The following NFIB variants were observed in gnomAD, a reference collection of about 807,000 sequenced individuals.
NFIB encodes nuclear factor 1 B-type.
NFIB carries 11 observed loss-of-function variants against 61.5 expected under a neutral mutation model. The ratio of observed to expected loss-of-function variants is 0.18; its 90% CI spans 0.11 to 0.30. The LOEUF (loss-of-function observed/expected upper bound fraction) is 0.30. NFIB is among the 10% of genes least tolerant of loss of function. The pLI is 1.00. For missense variants in NFIB, 471 were observed against 608.9 expected, an observed-to-expected ratio of 0.77 and a Z score of 2.38; for synonymous variants, 260 against 216.5, an observed-to-expected ratio of 1.20 and a Z score of -1.76.
chr9:14,232,290 C>T (rs527579176), intron 2 of NFIB, among the ~76,000 whole-genome samples: 1 of 152,202 alleles, frequency 6.6e-6, no homozygotes, highest in East Asian at 1.9e-4. Flanking sequence ...TAATGAGACC[C>T]CGTAAAGCAT....
the NFIB span, among the ~76,000 whole-genome samples, chr9:14,430,481 C>A: frequency 2.6e-5 from 4 of 152,310 alleles, 1 homozygote; most frequent in Admixed American, 2.6e-4. Flanking sequence ...GCCATGTGAT[C>A]AAAATCAGGA....
the NFIB span, among the ~76,000 whole-genome samples, chr9:14,479,974 A>C: frequency 1.1e-4 from 16 of 152,094 alleles, no homozygotes; most frequent in South Asian, 2.1e-4. Context: ...ACAGGAAGGA[A>C]GGAAGAAGGA....
chr9:14,416,372 G>A, the NFIB span, among the ~76,000 whole-genome samples: 2 of 152,146 alleles, frequency 1.3e-5, no homozygotes, highest in Admixed American at 1.3e-4. Context: ...CATAGGAGGT[G>A]ACAGCTCCGC....
chr9:14,319,697 G>A lies in NFIB; in HGVS notation c.109-12177C>T, dbSNP rs552312176. The stretch of plus-strand genomic sequence containing the variant: ...GGTATAGAAAGCTCTGTCCAAAATG[G>A]CTAAGTAGTCTTTACATTCTGTATT... On this transcript the variant is annotated intron_variant, in intron 1 of 8. Transcript: ENST00000380934. 3.0e-4 allele frequency among the ~76,000 whole-genome samples: 45 copies of A among 152,300 alleles called. 1 individual carries two copies. The highest frequency in any genetic ancestry group is 2.9e-3 in the Admixed American group (45 of 15,286).
intron 2 of NFIB, among the ~76,000 whole-genome samples, chr9:14,297,405 C>G (rs1357435704): frequency 1.3e-5 from 2 of 152,192 alleles, no homozygotes; most frequent in Non-Finnish European, 2.9e-5. Context: ...CAACCTTCCT[C>G]CTTTGACCCC....
intron 2 of NFIB, among the ~76,000 whole-genome samples, chr9:14,219,214 T>C (rs902318080): frequency 2.0e-5 from 3 of 152,058 alleles, no homozygotes; most frequent in African/African-American, 4.8e-5. Flanking sequence ...CATTTGTTTG[T>C]TTTTGATTCT....
chr9:14,319,597 C>A (rs1390720679), intron 1 of NFIB, among the ~76,000 whole-genome samples: 1 of 152,118 alleles, frequency 6.6e-6, no homozygotes, highest in Non-Finnish European at 1.5e-5. Context: ...CATTTTATTT[C>A]TACAGGTAAA....
intron 1 of NFIB, among the ~76,000 whole-genome samples, chr9:14,308,980 A>G (rs2060158764): frequency 6.6e-6 from 1 of 152,218 alleles, no homozygotes; most frequent in Non-Finnish European, 1.5e-5. Flanking sequence ...GTACATGCAC[A>G]CCGCATGTAC....
At chr9:14,266,901 G>A (rs2057249741) in intron 2 of NFIB, among the ~76,000 whole-genome samples, 1 of 152,104 alleles carries the variant, frequency 6.6e-6, no homozygotes, top group African/African-American at 2.4e-5. Context: ...TTAATCAAAA[G>A]TTTCAATAAT....
chr9:14,389,741 G>A (rs2061597329), intron 1 of NFIB, among the ~76,000 whole-genome samples: 1 of 141,900 alleles, frequency 7.0e-6, no homozygotes, highest in Non-Finnish European at 1.6e-5. Flanking sequence ...GCCTTTCCCA[G>A]CATTTCCACC....
intron 1 of NFIB, among the ~76,000 whole-genome samples, chr9:14,309,337 G>A (rs969126945): frequency 1.3e-5 from 2 of 152,186 alleles, no homozygotes; most frequent in East Asian, 3.8e-4. Flanking sequence ...AGATATGGAA[G>A]GAGTACATGT....
chr9:14,230,514 T>C lies in NFIB; in HGVS notation c.563-50734A>G, dbSNP rs544374579. 6.0e-4 allele frequency among the ~76,000 whole-genome samples: 92 copies of C among 152,284 alleles called. 1 individual carries two copies. Among genetic ancestry groups the C allele is most frequent in the Non-Finnish European group, 1.2e-3 (80 of 68,034 alleles). Reference sequence around the variant, plus strand: ...AATGTAAGTCCCATGAGAGCAGAGATATAGTCTATATCCAAATGAACCCTG... The same window carrying C: ...AATGTAAGTCCCATGAGAGCAGAGACATAGTCTATATCCAAATGAACCCTG... On this transcript the variant is annotated intron_variant, in intron 2 of 10. Transcript: ENST00000380953.
intron 2 of NFIB, among the ~76,000 whole-genome samples, chr9:14,279,266 GATA>G (rs1410332205): frequency 2.6e-5 from 4 of 152,038 alleles, no homozygotes; most frequent in African/African-American, 9.7e-5. Context: ...CCTTTTCTAC[GATA>G]ATAAGAGGAT....
the NFIB span, among the ~76,000 whole-genome samples, chr9:14,481,599 C>T: frequency 2.0e-5 from 3 of 151,926 alleles, no homozygotes; most frequent in African/African-American, 7.3e-5. Context: ...AGAACTTCTC[C>T]TCCGTCGACT....
At chr9:14,278,117 T>A (rs1043170563) in intron 2 of NFIB, among the ~76,000 whole-genome samples, 1 of 152,216 alleles carries the variant, frequency 6.6e-6, no homozygotes, top group African/African-American at 2.4e-5. Context: ...ACAACCATCC[T>A]GATGACCAGT....
the NFIB span, among the ~76,000 whole-genome samples, chr9:14,418,245 AT>A: frequency 6.6e-6 from 1 of 152,170 alleles, no homozygotes; most frequent in Non-Finnish European, 1.5e-5. Flanking sequence ...AAAGAAATAA[AT>A]ACTGCTTCCT....
At chr9:14,515,052 G>T in the NFIB span, among the ~76,000 whole-genome samples, 47 of 152,292 alleles carry the variant, frequency 3.1e-4, 2 homozygotes, top group East Asian at 9.1e-3. Context: ...AGACTAAAAG[G>T]CTAGGCTCTG....
chr9:14,190,181 C>A (rs2047791423), intron 2 of NFIB, among the ~76,000 whole-genome samples: 1 of 152,020 alleles, frequency 6.6e-6, no homozygotes, highest in African/African-American at 2.4e-5. Flanking sequence ...TTTTTTATAT[C>A]TTATGTTACT....
chr9:14,453,806 G>A, the NFIB span, among the ~76,000 whole-genome samples: 1 of 152,214 alleles, frequency 6.6e-6, no homozygotes, highest in East Asian at 1.9e-4. Flanking sequence ...ATATAGGCTG[G>A]GCACGGTGGC....
Sources: gnomAD v4.1 joint callset for allele counts (sites outside exome capture counted in the v4.1 genomes callset) on GRCh38, gnomAD v4.1.1 for gene constraint, MANE v1.5 for transcripts, NCBI Gene and HGNC (gene_info 2026-07-23, HGNC 2026-07-21) for gene names.